PGM2L1: variants seen among roughly 807,000 people sequenced by gnomAD.
The protein encoded by PGM2L1 is glucose 1,6-bisphosphate synthase.
PGM2L1 carries 35 observed loss-of-function variants against 73.4 expected under a neutral mutation model. The observed-to-expected ratio is 0.48, with a 90% CI of 0.36 to 0.63. The LOEUF is 0.63. Ranked by LOEUF, PGM2L1 falls within the 30% of genes least tolerant of loss-of-function variation. The pLI is 0.00. For synonymous variants in PGM2L1, 225 were observed against 253.8 expected (o/e 0.89, Z 1.08); for missense variants, 570 against 742.0 (o/e 0.77, Z 2.69).
intron 5 of PGM2L1, among the ~76,000 whole-genome samples, chr11:74,352,764 C>T (rs116319361): frequency 0.013 from 1,932 of 152,180 alleles, 41 homozygotes; most frequent in African/African-American, 0.044. Context: ...AGGAAAGGGA[C>T]GACTCCAGGC....
At chr11:74,343,839 C>T (rs1437015884) in intron 9 of PGM2L1, among the ~76,000 whole-genome samples, 7 of 126,114 alleles carry the variant, frequency 5.6e-5, no homozygotes, top group Non-Finnish European at 7.7e-5. Flanking sequence ...AGTGCAGTGG[C>T]GCAATTTCAG....
At chr11:74,391,375 T>G (rs1863099658) in intron 1 of PGM2L1, among the ~76,000 whole-genome samples, 1 of 152,168 alleles carries the variant, frequency 6.6e-6, no homozygotes, top group African/African-American at 2.4e-5. Flanking sequence ...CCAGTGTGGA[T>G]CAGTACACTA....
At chr11:74,397,937 C>A (rs1486697789) in intron 1 of PGM2L1, 114 bp downstream of exon 1, 3 of 1,379,414 alleles carry the variant, frequency 2.2e-6, no homozygotes, top group South Asian at 1.7e-5. Context: ...CGCTGCCCCC[C>A]GCTCGGTGTC....
intron 12 of PGM2L1, among the ~76,000 whole-genome samples, chr11:74,339,578 T>C (rs1862152960): frequency 6.6e-6 from 1 of 152,192 alleles, no homozygotes; most frequent in African/African-American, 2.4e-5. Flanking sequence ...GTCCTTTCTA[T>C]ACTTTATTTA....
intron 9 of PGM2L1, among the ~76,000 whole-genome samples, chr11:74,344,807 C>G (rs1203534899): frequency 1.3e-5 from 2 of 152,180 alleles, no homozygotes; most frequent in East Asian, 1.9e-4. Flanking sequence ...GTTGAAAGCT[C>G]TATTTCATAA....
intron 5 of PGM2L1, chr11:74,354,727 C>A (rs1862416013): frequency 3.7e-6 from 4 of 1,071,262 alleles, no homozygotes; most frequent in Non-Finnish European, 4.3e-6. Context: ...AGAAAATTCT[C>A]AAACACCAGG....
Position 74,336,541 on chromosome 11 carries a change from T to C in PGM2L1, c.*111A>G, listed in dbSNP as rs112433155. ...AAGAAAGAAAATAAAAGGAAAAAGA[T>C]ACTCGGCCAGATGAGATAGAGAGAG... is the stretch of plus-strand genomic sequence containing the variant. On this transcript the variant is annotated 3_prime_UTR_variant, in exon 14 of 14. Coordinates refer to ENST00000298198, the MANE Select transcript of PGM2L1 (RefSeq NM_173582.6). 1.7e-6 allele frequency: 1 copy of C among 580,354 alleles called. No individual in the cohort carries two copies. Among genetic ancestry groups the C allele is most frequent in the Admixed American group, 3.3e-5 (1 of 30,534 alleles). The allele number at this position is 580,354 out of a possible 1,614,324, so 36.0% of individuals were successfully genotyped here.
At chr11:74,352,326 GA>G (rs1489954389) in intron 5 of PGM2L1, among the ~76,000 whole-genome samples, 3 of 151,966 alleles carry the variant, frequency 2.0e-5, no homozygotes, top group Non-Finnish European at 2.9e-5. Context: ...ATGTGATATA[GA>G]AAAAAGTCAT....
chr11:74,389,947 CAAAA>C (rs71065078), intron 1 of PGM2L1, among the ~76,000 whole-genome samples: 9 of 38,572 alleles, frequency 2.3e-4, no homozygotes, highest in African/African-American at 4.6e-4. Context: ...ACTAAAAATA[CAAAA>C]AAAAAAAAAA....
At chr11:74,361,065 C>T (rs1464964498) in intron 5 of PGM2L1, among the ~76,000 whole-genome samples, 13 of 152,262 alleles carry the variant, frequency 8.5e-5, no homozygotes, top group African/African-American at 1.7e-4. Flanking sequence ...TCTCCCAGCA[C>T]GGAGTTTGAG....
chr11:74,341,695 GAAA>G (rs11336177), intron 12 of PGM2L1, among the ~76,000 whole-genome samples: 9 of 94,058 alleles, frequency 9.6e-5, no homozygotes, highest in Admixed American at 1.2e-4. Flanking sequence ...CTGTCTCAAG[GAAA>G]AAAAAAAAAA....
chr11:74,336,743 A>G lies in PGM2L1; in HGVS notation c.1778T>C (p.Leu593Ser), dbSNP rs1591161978. 3.7e-6 allele frequency: 6 copies of G among 1,606,290 alleles called. No homozygotes were observed. The highest frequency in any genetic ancestry group is 1.3e-5 in the African/African-American group (1 of 74,822). ...GAGTTTCTTCAGTTCTTCCTCCAGT[A>G]AAGCAGTGTCACTGAGGAAAAGATG... ...CASPDQSDTA[L>S]LEEELKKLID... The change falls in exon 14 of 14, where the codon TTA becomes TCA. Residue 593 changes from leucine (L) to serine (S), a missense_variant. By Grantham distance (145) the Leu-to-Ser change is moderately radical (BLOSUM62 -2). Transcript: ENST00000298198.
chr11:74,343,086 C>A (rs1003120196), intron 10 of PGM2L1, 72 bp from the exon 11 acceptor site: 5 of 1,487,996 alleles, frequency 3.4e-6, no homozygotes, highest in South Asian at 1.4e-5. Context: ...TACATTTCTT[C>A]AGAAGGACCA....
At chr11:74,360,141 G>C (rs1174696683) in intron 5 of PGM2L1, among the ~76,000 whole-genome samples, 1 of 152,030 alleles carries the variant, frequency 6.6e-6, no homozygotes, top group Admixed American at 6.6e-5. Context: ...GAGGCAGGAG[G>C]ATTGCTTGAA....
intron 1 of PGM2L1, among the ~76,000 whole-genome samples, chr11:74,386,884 A>C (rs561430938): frequency 6.6e-6 from 1 of 152,366 alleles, no homozygotes; most frequent in East Asian, 1.9e-4. Flanking sequence ...ACTTTGAGGA[A>C]AGGAAGAAGG....
At chr11:74,368,791 A>G (rs1244585739) in intron 4 of PGM2L1, among the ~76,000 whole-genome samples, 1 of 152,168 alleles carries the variant, frequency 6.6e-6, no homozygotes, top group Non-Finnish European at 1.5e-5. Context: ...TTTTAGCACA[A>G]ACATGTTAAG....
Position 74,370,961 on chromosome 11 carries a change from A to G in PGM2L1, c.412T>C (p.Leu138=). The G allele has an allele frequency of 3.7e-6, 6 of 1,613,520 alleles. No homozygotes were observed. Among genetic ancestry groups the G allele is most frequent in the Non-Finnish European group, 5.1e-6 (6 of 1,179,564 alleles). The part of the protein sequence containing the change: ...QRLAKLTAAV[L]LAKDVPVYLF... ...TACACAGGAACATCTTTGGCCAGCA[A>G]GACTGCAGCAGTGAGTTTAGCAAGC... Residue 138 remains leucine (L), a synonymous_variant, in exon 4 of 14, where the codon TTG becomes CTG. Transcript: ENST00000298198.
At chr11:74,373,056 T>C (rs1472435409) in intron 2 of PGM2L1, among the ~76,000 whole-genome samples, 1 of 152,198 alleles carries the variant, frequency 6.6e-6, no homozygotes, top group African/African-American at 2.4e-5. Flanking sequence ...CAATTACTTT[T>C]GCACCAACCT....
intron 3 of PGM2L1, 44 bp from the exon 4 acceptor site, chr11:74,371,030 T>G (rs754804933): frequency 6.1e-6 from 9 of 1,473,422 alleles, no homozygotes; most frequent in Non-Finnish European, 7.6e-6. Context: ...CTACCATACT[T>G]TTTAAAAACC....
Sources: allele counts gnomAD v4.1 joint callset (sites outside exome capture counted in the v4.1 genomes callset), GRCh38; gene constraint gnomAD v4.1.1; transcripts MANE v1.5; gene names NCBI Gene and HGNC (gene_info 2026-07-23, HGNC 2026-07-21).